The following NRSN2 variants were observed in gnomAD, a reference collection of about 807,000 sequenced individuals.
NRSN2 encodes neurensin 2.
A neutral mutation model predicts 11.1 loss-of-function variants in NRSN2; 10 were observed. The ratio of observed to expected loss-of-function variants is 0.90; its 90% CI spans 0.56 to 1.53. The LOEUF is 1.53. Ranked by LOEUF, NRSN2 falls within the 40% of genes most tolerant of loss-of-function variation. The pLI, the probability that NRSN2 is intolerant of heterozygous loss-of-function variation, is 0.00. For missense variants in NRSN2, 260 were observed against 273.7 expected (o/e 0.95, Z 0.35); for synonymous variants, 100 against 117.0 (o/e 0.86, Z 0.94).
chr20:349,720 G>A lies in NRSN2; in HGVS notation c.77G>A (p.Arg26His), dbSNP rs773224878. The A allele has an allele frequency of 4.8e-5, 77 of 1,613,150 alleles. No individual in the cohort carries two copies. The highest frequency in any genetic ancestry group is 1.7e-4 in the Middle Eastern group (1 of 6,012). The part of the protein sequence containing the change: ...SVEDGKWYGV[R>H]SYLHLFYEDC... ...GAGGATGGCAAGTGGTATGGGGTCC[G>A]CTCCTACCTGCACCTCTTCTATGAG... Residue 26 changes from arginine (R) to histidine (H), a missense_variant, in exon 4 of 5, where the codon CGC (arginine) becomes CAC (histidine). Physicochemically the swap from Arg to His is conservative, Grantham distance 29 (BLOSUM62 0). Coordinates refer to ENST00000382285, the MANE Select transcript of NRSN2 (RefSeq NM_001323682.2).
chr20:348,484 C>CGT (rs57559955), intron 2 of NRSN2: 5,321 of 81,232 alleles, frequency 0.066, 229 homozygotes, highest in East Asian at 0.11. Context: ...AACCTCCAAC[C>CGT]GTGTGTGTGT....
In NRSN2 at chr20:347,738, T is replaced by C. The variant is rs1395106750; in HGVS notation, c.-122+226T>C. 2.0e-5 allele frequency among the ~76,000 whole-genome samples: 3 copies of C among 151,874 alleles called. No individual in the cohort carries two copies. The highest frequency in any genetic ancestry group is 4.4e-5 in the Non-Finnish European group (3 of 67,952). On this transcript the variant is annotated intron_variant, in intron 2 of 4. Coordinates refer to ENST00000382285, the MANE Select transcript of NRSN2 (RefSeq NM_001323682.2). The surrounding 1 kb of genome is among the most constrained non-coding windows in gnomAD (Gnocchi z 7.0). ...CACTTCCGCCCGTGCCTGCCGCCCC[T>C]CGCCTCCTCCCTCCGCCGCAGTCTC...
At chr20:353,119 C>G in intron 4 of NRSN2, 91 bp from the exon 5 acceptor site, 1 of 1,190,272 alleles carries the variant, frequency 8.4e-7, no homozygotes, top group African/African-American at 1.5e-5. Flanking sequence ...CAAGGGGTTA[C>G]CCTTAAGTCT....
In NRSN2 at chr20:353,893, TCTC is replaced by T. The variant is rs891565564; in HGVS notation, c.*261_*263del. 7 of 526,012 alleles carry T rather than the reference TCTC, an allele frequency of 1.3e-5. No homozygotes were observed. The highest frequency in any genetic ancestry group is 9.8e-5 in the African/African-American group (5 of 51,128). 32.6% of individuals were successfully genotyped at this position (526,012 alleles called of 1,614,324 possible). Reference sequence around the variant, plus strand: ...CCAAGGCCCTCAGGGGCAGAAAACATCTCCTTCAACCCGTCCCCACTCCTTCCT... The same window carrying T: ...CCAAGGCCCTCAGGGGCAGAAAACATCTTCAACCCGTCCCCACTCCTTCCT... On this transcript the variant is annotated 3_prime_UTR_variant, in exon 5 of 5. Transcript: ENST00000382285.
chr20:353,182 G>A (rs369884357), intron 4 of NRSN2, 28 bp from the exon 5 acceptor site: 2 of 1,605,498 alleles, frequency 1.2e-6, no homozygotes, highest in Non-Finnish European at 1.7e-6. Context: ...GACCCTGACT[G>A]CTTCCTGGTC....
rs762196733 is a variant in NRSN2, at chr20:349,674, T to TGCAGCC, written c.34_39dup (p.Ser12_Arg13dup). On this transcript the variant is annotated inframe_insertion, in exon 4 of 5. Coordinates refer to ENST00000382285, the MANE Select transcript of NRSN2 (RefSeq NM_001323682.2). ...GCCGAGCTGCAATCGTTCCTGCAGCTGCAGCCGCGGCCCCAGCGTGGAGGA... is the reference window on the plus strand; with the variant it reads ...GCCGAGCTGCAATCGTTCCTGCAGCTGCAGCCGCAGCCGCGGCCCCAGCGTGGAGGA... The TGCAGCC allele has an allele frequency of 1.2e-6, 2 of 1,612,804 alleles. No individual in the cohort carries two copies. Among genetic ancestry groups the TGCAGCC allele is most frequent in the South Asian group, 2.2e-5 (2 of 91,026 alleles).
rs997823648 is a variant in NRSN2, at chr20:347,427, G to A, written c.-200-7G>A. 1.3e-5 allele frequency: 2 copies of A among 152,146 alleles called. No individual in the cohort carries two copies. The highest frequency in any genetic ancestry group is 1.5e-5 in the Non-Finnish European group (1 of 68,106). The allele number at this position is 152,146 out of a possible 1,614,324, so 9.4% of individuals were successfully genotyped here. ...CAAAAACCCATTCCTACCCCTCTCTGCCTCAGTTTCTCTCTAGGGAAAAGG... is the reference window on the plus strand; with the variant it reads ...CAAAAACCCATTCCTACCCCTCTCTACCTCAGTTTCTCTCTAGGGAAAAGG... On this transcript the variant is annotated splice_polypyrimidine_tract_variant and splice_region_variant and intron_variant, in intron 1 of 4. Coordinates refer to ENST00000382285, the MANE Select transcript of NRSN2 (RefSeq NM_001323682.2). This position sits in a 1 kb window ranked among gnomAD's most constrained non-coding sequence, Gnocchi z 7.0.
intron 4 of NRSN2, among the ~76,000 whole-genome samples, chr20:351,835 T>C (rs1176531685): frequency 6.6e-6 from 1 of 152,178 alleles, no homozygotes; most frequent in East Asian, 1.9e-4. Flanking sequence ...AAATGTCACC[T>C]CCTCAGGGAG....
Position 354,417 on chromosome 20 carries a change from G to A in NRSN2, c.*782G>A, listed in dbSNP as rs940216736. The A allele has an allele frequency of 6.6e-6, 1 of 152,200 alleles. No homozygotes were observed. The highest frequency in any genetic ancestry group is 1.5e-5 in the Non-Finnish European group (1 of 68,062). The allele number at this position is 152,200 out of a possible 1,614,324, so 9.4% of individuals were successfully genotyped here. A position where few individuals can be genotyped will look rare whatever the true frequency, so the allele number is the denominator to read the frequency against. On this transcript the variant is annotated 3_prime_UTR_variant, in exon 5 of 5. Coordinates refer to ENST00000382285, the MANE Select transcript of NRSN2 (RefSeq NM_001323682.2). ...GTTTGGCCCAGAAAGACTAGCCAGA[G>A]GCCTGATGGTCCCAGGTGGCTCTGG...
At position 349,666 on chromosome 20, in the gene NRSN2, C is replaced by A. The variant is rs1474888303; in HGVS notation, c.23C>A (p.Ser8Tyr). 2 of 1,612,356 alleles carry A rather than the reference C, an allele frequency of 1.2e-6. No homozygotes were observed. The highest frequency in any genetic ancestry group is 1.7e-6 in the Non-Finnish European group (2 of 1,179,760). The change falls in exon 4 of 5, where the codon TCC becomes TAC. Residue 8 changes from serine (S) to tyrosine (Y), a missense_variant. Ser to Tyr is a moderately radical substitution (Grantham distance 144). Coordinates refer to ENST00000382285, the MANE Select transcript of NRSN2 (RefSeq NM_001323682.2). MMPSCNR[S>Y]CSCSRGPSVE... ...TCCATGATGCCGAGCTGCAATCGTT[C>A]CTGCAGCTGCAGCCGCGGCCCCAGC...
chr20:354,800 GC>G lies in NRSN2; in HGVS notation c.*1170del, dbSNP rs1237219648. ...ACACCCTACTGTCCTTGTGCCTCAC[GC>G]CCCCTCCTCATCCTGCACCCCTTCC... On this transcript the variant is annotated 3_prime_UTR_variant, in exon 5 of 5. Transcript: ENST00000382285. 2 of 152,102 alleles carry G rather than the reference GC, an allele frequency of 1.3e-5. No individual in the cohort carries two copies. Among genetic ancestry groups the G allele is most frequent in the Non-Finnish European group, 2.9e-5 (2 of 68,020 alleles). 9.4% of individuals were successfully genotyped at this position (152,102 alleles called of 1,614,324 possible).
chr20:353,006 A>G lies in NRSN2; in HGVS notation c.190-204A>G, dbSNP rs114252847. 7.6e-3 allele frequency among the ~76,000 whole-genome samples: 1,151 copies of G among 152,204 alleles called. 12 individuals carry two copies. The highest frequency in any genetic ancestry group is 0.027 in the African/African-American group (1,106 of 41,544). ...CTGCTAGGTGGGAGCTGGGAAGGAA[A>G]TTAAGAGGCCTCAGGATTCCAAATA... is the stretch of plus-strand genomic sequence containing the variant. On this transcript the variant is annotated intron_variant, in intron 4 of 4. Transcript: ENST00000382285.
intron 4 of NRSN2, among the ~76,000 whole-genome samples, chr20:352,536 G>A (rs1022315607): frequency 6.6e-6 from 1 of 152,180 alleles, no homozygotes; most frequent in Non-Finnish European, 1.5e-5. Context: ...TAGGCTCTTG[G>A]GAACACAGAA....
chr20:350,924 G>A (rs1385487118), intron 4 of NRSN2, among the ~76,000 whole-genome samples: 1 of 152,118 alleles, frequency 6.6e-6, no homozygotes, highest in African/African-American at 2.4e-5. Context: ...CCATCTAAGG[G>A]AAGTCAGCAT....
In NRSN2 at chr20:354,006, T is replaced by C. The variant is rs918078900; in HGVS notation, c.*371T>C. On this transcript the variant is annotated 3_prime_UTR_variant, in exon 5 of 5. Coordinates refer to ENST00000382285, the MANE Select transcript of NRSN2 (RefSeq NM_001323682.2). ...TGAGGGCTTTGGATCAGATTCCTCT[T>C]CTCGCCAGGATGAGGACACGCACTG... 3.8e-6 allele frequency: 1 copy of C among 265,982 alleles called. No individual in the cohort carries two copies. Among genetic ancestry groups the C allele is most frequent in the African/African-American group, 2.3e-5 (1 of 43,890 alleles). 16.5% of individuals were successfully genotyped at this position (265,982 alleles called of 1,614,324 possible).
In NRSN2 at chr20:353,239, G is replaced by C; in HGVS notation, c.219G>C (p.Leu73=). ...KISLSSGTLL[L]LLGVAALTTG... ...GCCTGTCCTCGGGGACCCTGCTTCT[G>C]CTGCTGGGTGTGGCGGCTCTGACCA... is the stretch of plus-strand genomic sequence containing the variant. The change falls in exon 5 of 5, where the codon CTG becomes CTC. Residue 73 remains leucine, a synonymous_variant. Coordinates refer to ENST00000382285, the MANE Select transcript of NRSN2 (RefSeq NM_001323682.2). The C allele has an allele frequency of 6.2e-7, 1 of 1,614,028 alleles. No individual in the cohort carries two copies. The highest frequency in any genetic ancestry group is 8.5e-7 in the Non-Finnish European group (1 of 1,179,998).
At chr20:350,204 G>A (rs561334973) in intron 4 of NRSN2, among the ~76,000 whole-genome samples, 3 of 152,222 alleles carry the variant, frequency 2.0e-5, no homozygotes, top group Admixed American at 6.5e-5. Context: ...ACCGGGTGCG[G>A]TAGTTCACGC....
In NRSN2 at chr20:349,630, C is replaced by T; in HGVS notation, c.-6-8C>T. On this transcript the variant is annotated splice_polypyrimidine_tract_variant and splice_region_variant and intron_variant, in intron 3 of 4. Coordinates refer to ENST00000382285, the MANE Select transcript of NRSN2 (RefSeq NM_001323682.2). Reference sequence around the variant, plus strand: ...CCCTCCGTCAGCTGCACCTTACCTGCTCCCCAGGGGTCCATGATGCCGAGC... The same window carrying T: ...CCCTCCGTCAGCTGCACCTTACCTGTTCCCCAGGGGTCCATGATGCCGAGC... 1.2e-6 allele frequency: 2 copies of T among 1,601,890 alleles called. No individual in the cohort carries two copies. Among genetic ancestry groups the T allele is most frequent in the Non-Finnish European group, 1.7e-6 (2 of 1,173,386 alleles).
In NRSN2 at chr20:349,809, C is replaced by T; in HGVS notation, c.166C>T (p.Pro56Ser). ...EGPPVLCPRR[P>S]WPSLCWKISL... Reference sequence around the variant, plus strand: ...ACCTCCGGTCCTGTGCCCCCGCCGGCCCTGGCCCTCACTGTGTTGGAAGGT... The same window carrying T: ...ACCTCCGGTCCTGTGCCCCCGCCGGTCCTGGCCCTCACTGTGTTGGAAGGT... The change falls in exon 4 of 5, where the codon CCC becomes TCC. Residue 56 changes from proline to serine, a missense_variant. Pro to Ser is a moderately conservative substitution (Grantham distance 74). Coordinates refer to ENST00000382285, the MANE Select transcript of NRSN2 (RefSeq NM_001323682.2). 1.2e-6 allele frequency: 2 copies of T among 1,613,436 alleles called. No homozygotes were observed. The highest frequency in any genetic ancestry group is 1.7e-6 in the Non-Finnish European group (2 of 1,179,968).
Sources: allele counts gnomAD v4.1 joint callset (sites outside exome capture counted in the v4.1 genomes callset), GRCh38; gene constraint gnomAD v4.1.1; non-coding constraint Gnocchi (gnomAD v3.1); transcripts MANE v1.5; gene names NCBI Gene and HGNC (gene_info 2026-07-23, HGNC 2026-07-21).